Variants in PRICKLE2 observed in about 807,000 individuals in gnomAD.
PRICKLE2 encodes prickle planar cell polarity protein 2.
A neutral mutation model predicts 81.4 loss-of-function variants in PRICKLE2; 21 were observed. That is an observed-to-expected ratio of 0.26 (90% CI 0.18 to 0.37). The LOEUF is 0.37. Ranked by LOEUF, PRICKLE2 falls within the 10% of genes least tolerant of loss-of-function variation. PRICKLE2 has a pLI of 1.00. For missense variants in PRICKLE2, 940 were observed against 1,109.0 expected (o/e 0.85, Z 2.16); for synonymous variants, 456 against 421.5 (o/e 1.08, Z -1.00).
chr3:64,208,422 A>T (rs1455328402), intron 1 of PRICKLE2, among the ~76,000 whole-genome samples: 1 of 152,210 alleles, frequency 6.6e-6, no homozygotes, highest in African/African-American at 2.4e-5. Flanking sequence ...CAAAAGGGGT[A>T]AGCGGAGAGT....
At chr3:64,203,886 G>A (rs1024954804) in intron 1 of PRICKLE2, among the ~76,000 whole-genome samples, 5 of 148,792 alleles carry the variant, frequency 3.4e-5, no homozygotes, top group East Asian at 1.9e-4. Context: ...GTGGAGGCAC[G>A]AGAACCGCTT....
Position 64,181,244 on chromosome 3 carries a change from G to C in PRICKLE2, c.144+17540C>G, listed in dbSNP as rs144955038. 2.0e-5 allele frequency among the ~76,000 whole-genome samples: 3 copies of C among 152,182 alleles called. No individual in the cohort carries two copies. The East Asian group carries it at 5.8e-4, about 29-fold the overall frequency. On this transcript the variant is annotated intron_variant, in intron 2 of 7. Transcript: ENST00000638394. ...CGACAGAGTCTTCTGATTGCTCTAG[G>C]AGTGGCATGAGAAGCAACAAAAGGT...
intron 7 of PRICKLE2, among the ~76,000 whole-genome samples, chr3:64,108,729 A>C (rs1267033801): frequency 1.3e-5 from 2 of 152,118 alleles, no homozygotes; most frequent in Non-Finnish European, 2.9e-5. Context: ...AGATGATGGG[A>C]GTTTCAAGGA....
At chr3:64,212,684 A>T (rs763687777) in intron 1 of PRICKLE2, among the ~76,000 whole-genome samples, 2 of 152,190 alleles carry the variant, frequency 1.3e-5, no homozygotes, top group East Asian at 3.9e-4. Flanking sequence ...CTCAAATCCT[A>T]ACTTCACTGA....
intron 1 of PRICKLE2, among the ~76,000 whole-genome samples, chr3:64,208,524 A>C (rs1183939822): frequency 1.3e-5 from 2 of 152,156 alleles, no homozygotes; most frequent in African/African-American, 4.8e-5. Context: ...TCTGCTCCAA[A>C]AGATCAAGGC....
intron 7 of PRICKLE2, among the ~76,000 whole-genome samples, chr3:64,124,514 C>G (rs1069976): frequency 1.3e-5 from 2 of 152,046 alleles, no homozygotes; most frequent in South Asian, 4.2e-4. Context: ...AATGCCTGAC[C>G]TCAAAGCTTC....
Position 64,112,038 on chromosome 3 carries a change from C to T in PRICKLE2, c.1661-12113G>A, listed in dbSNP as rs143898587. Among the ~76,000 whole-genome samples, 3 of 152,332 alleles carry T rather than the reference C, an allele frequency of 2.0e-5. No homozygotes were observed. The East Asian group carries it at 5.8e-4, about 29-fold the overall frequency. On this transcript the variant is annotated intron_variant, in intron 7 of 7. Coordinates refer to ENST00000638394, the MANE Select transcript of PRICKLE2 (RefSeq NM_198859.4). ...CACTTCCTCAACGGCACGTCTCATA[C>T]ACTAGACTTGTATGGCTGGCACACA...
intron 7 of PRICKLE2, among the ~76,000 whole-genome samples, chr3:64,116,193 G>C (rs1359572732): frequency 6.6e-6 from 1 of 152,090 alleles, no homozygotes; most frequent in East Asian, 1.9e-4. Context: ...ATGCAGCTAA[G>C]GCAGTGTTAA....
At chr3:64,176,487 GA>G (rs35773956) in intron 2 of PRICKLE2, among the ~76,000 whole-genome samples, 50,754 of 152,018 alleles carry the variant, frequency 0.33, 9,838 homozygotes, top group Admixed American at 0.44. Context: ...ATAAAGTTTA[GA>G]AAGCAAAGAC....
chr3:64,106,745 T>C (rs2076761943), intron 7 of PRICKLE2, among the ~76,000 whole-genome samples: 1 of 152,228 alleles, frequency 6.6e-6, no homozygotes, highest in Non-Finnish European at 1.5e-5. Flanking sequence ...TTTCTTGTTG[T>C]TTAAGCCATG....
chr3:64,232,622 G>A (rs2079121838), intron 2 of PRICKLE2, among the ~76,000 whole-genome samples: 1 of 147,404 alleles, frequency 6.8e-6, no homozygotes, highest in Admixed American at 6.9e-5. Flanking sequence ...GCTAAGTCCT[G>A]GGACTCCTGT....
chr3:64,209,378 A>G (rs1182890809), intron 1 of PRICKLE2, among the ~76,000 whole-genome samples: 1 of 150,848 alleles, frequency 6.6e-6, no homozygotes, highest in South Asian at 2.1e-4. Flanking sequence ...ACATACATCC[A>G]TATCTACCCA....
intron 2 of PRICKLE2, among the ~76,000 whole-genome samples, chr3:64,167,513 G>C (rs1018363657): frequency 1.3e-5 from 2 of 152,192 alleles, no homozygotes; most frequent in Non-Finnish European, 2.9e-5. Context: ...GGAAAGGTTT[G>C]GCAGCAACTT....
intron 2 of PRICKLE2, among the ~76,000 whole-genome samples, chr3:64,251,099 A>G (rs764639050): frequency 2.6e-5 from 4 of 152,242 alleles, no homozygotes; most frequent in Non-Finnish European, 4.4e-5. Flanking sequence ...TAGGTGCTCA[A>G]TAAAGATATT....
intron 2 of PRICKLE2, among the ~76,000 whole-genome samples, chr3:64,266,737 A>G (rs1559612478): frequency 6.6e-6 from 1 of 152,200 alleles, no homozygotes; most frequent in South Asian, 2.1e-4. Context: ...CTGCACAGAT[A>G]AAAACATTTG....
intron 2 of PRICKLE2, among the ~76,000 whole-genome samples, chr3:64,179,031 CTTTCTTTT>C (rs913340634): frequency 5.2e-5 from 6 of 114,640 alleles, no homozygotes; most frequent in East Asian, 5.0e-4. Context: ...TTCTTTCTTT[CTTTCTTTT>C]CTTTCCTTCT....
chr3:64,249,794 C>T (rs1330306088), intron 2 of PRICKLE2, among the ~76,000 whole-genome samples: 1 of 152,172 alleles, frequency 6.6e-6, no homozygotes, highest in African/African-American at 2.4e-5. Context: ...AATAAATGCT[C>T]CTTGAAGGTG....
intron 7 of PRICKLE2, among the ~76,000 whole-genome samples, chr3:64,135,842 C>A (rs548232366): frequency 6.4e-4 from 98 of 152,284 alleles, no homozygotes; most frequent in African/African-American, 2.2e-3. Context: ...CAATCAAACA[C>A]ACAACAAACC....
At chr3:64,134,208 G>A (rs2106991437) in intron 7 of PRICKLE2, among the ~76,000 whole-genome samples, 1 of 152,272 alleles carries the variant, frequency 6.6e-6, no homozygotes, top group South Asian at 2.1e-4. Context: ...AGCTAGAGAG[G>A]TGGTACGGTT....
Sources: gnomAD v4.1 joint callset for allele counts (sites outside exome capture counted in the v4.1 genomes callset) on GRCh38, gnomAD v4.1.1 for gene constraint, MANE v1.5 for transcripts, NCBI Gene and HGNC (gene_info 2026-07-23, HGNC 2026-07-21) for gene names.